The following PRKG1 variants were observed in gnomAD, a reference collection of about 807,000 sequenced individuals.
The protein encoded by PRKG1 is protein kinase cGMP-dependent 1.
In PRKG1, 35 loss-of-function variants were observed where a neutral mutation model predicts 88.1. The ratio of observed to expected loss-of-function variants is 0.40; its 90% CI spans 0.30 to 0.53. The LOEUF is 0.53. PRKG1 is among the 20% of genes least tolerant of loss of function. The pLI, the probability that PRKG1 is intolerant of heterozygous loss-of-function variation, is 0.59. For missense variants in PRKG1, 540 were observed against 839.8 expected, an observed-to-expected ratio of 0.64 and a Z score of 4.41; for synonymous variants, 303 against 292.5, an observed-to-expected ratio of 1.04 and a Z score of -0.37.
intron 3 of PRKG1, among the ~76,000 whole-genome samples, chr10:51,732,329 C>T (rs988317012): frequency 5.3e-5 from 8 of 152,146 alleles, no homozygotes; most frequent in African/African-American, 1.4e-4. Context: ...TCTCCACATA[C>T]AGTCACAGTG....
intron 2 of PRKG1, among the ~76,000 whole-genome samples, chr10:51,354,304 A>G (rs539417410): frequency 6.6e-6 from 1 of 152,178 alleles, no homozygotes; most frequent in South Asian, 2.1e-4. Flanking sequence ...TAACTAAAAG[A>G]GTATAATTGG....
In PRKG1 at chr10:51,695,111, G is replaced by A. The variant is rs529818610; in HGVS notation, c.593-109474G>A. Among the ~76,000 whole-genome samples the A allele has an allele frequency of 2.6e-5, 4 of 152,288 alleles. No individual in the cohort carries two copies. In the East Asian group the frequency reaches 7.7e-4, roughly 29 times the overall value. On this transcript the variant is annotated intron_variant, in intron 3 of 17. Transcript: ENST00000373980. Reference sequence around the variant, plus strand: ...TTCCCATCTGTGAATATGGGAATGAGATAGGCTGTCCCTGTGTTCAGTTTG... The same window carrying A: ...TTCCCATCTGTGAATATGGGAATGAAATAGGCTGTCCCTGTGTTCAGTTTG...
At chr10:51,056,422 A>T (rs1343209323) in intron 1 of PRKG1, among the ~76,000 whole-genome samples, 1 of 152,216 alleles carries the variant, frequency 6.6e-6, no homozygotes, top group Non-Finnish European at 1.5e-5. Context: ...CAAAATGACT[A>T]CTTGGGAATG....
intron 7 of PRKG1, among the ~76,000 whole-genome samples, chr10:52,073,931 C>G (rs151211458): frequency 6.6e-6 from 1 of 152,306 alleles, no homozygotes; most frequent in South Asian, 2.1e-4. Flanking sequence ...TAGACTACTT[C>G]CACAATAATC....
intron 7 of PRKG1, among the ~76,000 whole-genome samples, chr10:52,086,783 A>G (rs1846926261): frequency 6.6e-6 from 1 of 152,158 alleles, no homozygotes; most frequent in Admixed American, 6.6e-5. Flanking sequence ...CTGCAAATAA[A>G]TACATACCCT....
chr10:51,192,283 T>C (rs1280621003), intron 2 of PRKG1, among the ~76,000 whole-genome samples: 2 of 151,912 alleles, frequency 1.3e-5, no homozygotes, highest in Non-Finnish European at 2.9e-5. Context: ...TAATATTTAA[T>C]GAAACAGGGA....
chr10:51,464,100 T>G (rs1186978448), intron 2 of PRKG1, among the ~76,000 whole-genome samples: 1 of 150,604 alleles, frequency 6.6e-6, no homozygotes, highest in East Asian at 2.0e-4. Context: ...TGAAAACCCA[T>G]CTCTACTAAA....
chr10:52,107,394 C>A (rs1371339111), intron 7 of PRKG1, among the ~76,000 whole-genome samples: 1 of 152,056 alleles, frequency 6.6e-6, no homozygotes, highest in African/African-American at 2.4e-5. Context: ...ATAATAAAAT[C>A]TAAATTATTA....
chr10:51,995,427 A>T (rs1029082911), intron 5 of PRKG1, among the ~76,000 whole-genome samples: 1 of 152,226 alleles, frequency 6.6e-6, no homozygotes, highest in Non-Finnish European at 1.5e-5. Context: ...CATTGTCTAA[A>T]ACTTTCTCAG....
At chr10:51,167,919 A>C (rs1290158682) in intron 2 of PRKG1, among the ~76,000 whole-genome samples, 3 of 152,142 alleles carry the variant, frequency 2.0e-5, no homozygotes, top group Non-Finnish European at 4.4e-5. Flanking sequence ...CTGCTGACTA[A>C]ACCAGGCATA....
rs543677392 is a variant in PRKG1 at position 52,094,508 on chromosome 10, T to C, written c.935+31877T>C. 3.9e-5 allele frequency among the ~76,000 whole-genome samples: 6 copies of C among 152,290 alleles called. No individual in the cohort carries two copies. The East Asian group carries it at 1.2e-3, about 29-fold the overall frequency. On this transcript the variant is annotated intron_variant, in intron 7 of 17. Transcript: ENST00000373980. ...TCACCACCGTTCATATATTTAAACA[T>C]TAAAACCAAAGAATTCTCCCTCATG...
intron 2 of PRKG1, among the ~76,000 whole-genome samples, chr10:51,344,471 T>G (rs1588864010): frequency 6.6e-6 from 1 of 152,254 alleles, no homozygotes; most frequent in East Asian, 1.9e-4. Flanking sequence ...TCAGACACAC[T>G]CAGGGCTTAA....
intron 1 of PRKG1, among the ~76,000 whole-genome samples, chr10:51,011,973 T>C (rs1331564814): frequency 2.0e-5 from 3 of 152,166 alleles, no homozygotes; most frequent in African/African-American, 2.4e-5. Flanking sequence ...AGAAGAGAAC[T>C]TGTGCAGGGG....
At chr10:51,464,993 G>A (rs1839860563) in intron 2 of PRKG1, among the ~76,000 whole-genome samples, 1 of 152,000 alleles carries the variant, frequency 6.6e-6, no homozygotes. Context: ...AATTCTGGCT[G>A]TAATGCCATA....
intron 4 of PRKG1, among the ~76,000 whole-genome samples, chr10:51,892,732 C>G (rs1003634483): frequency 2.0e-5 from 3 of 152,176 alleles, no homozygotes; most frequent in African/African-American, 7.2e-5. Context: ...AAACGTTCTG[C>G]AGTACATAGG....
chr10:51,160,146 A>G (rs1232787501), intron 2 of PRKG1, among the ~76,000 whole-genome samples: 1 of 152,228 alleles, frequency 6.6e-6, no homozygotes, highest in African/African-American at 2.4e-5. Flanking sequence ...AAGTTAGCTT[A>G]TAAGAGCCTA....
intron 3 of PRKG1, among the ~76,000 whole-genome samples, chr10:51,791,944 G>A (rs1271223295): frequency 6.6e-6 from 1 of 152,130 alleles, no homozygotes; most frequent in Admixed American, 6.6e-5. Flanking sequence ...GGGATTATGG[G>A]AGATGAAGCT....
intron 3 of PRKG1, among the ~76,000 whole-genome samples, chr10:51,592,928 G>A (rs780710473): frequency 6.6e-5 from 10 of 152,132 alleles, no homozygotes; most frequent in Admixed American, 3.9e-4. Context: ...AAGGGGAGCA[G>A]TTCTTTTTGT....
intron 3 of PRKG1, among the ~76,000 whole-genome samples, chr10:51,674,879 T>C (rs1409165566): frequency 6.6e-6 from 1 of 152,172 alleles, no homozygotes; most frequent in African/African-American, 2.4e-5. Context: ...CTTGAATGCA[T>C]AAATATTAAT....
Sources: allele counts gnomAD v4.1 joint callset (sites outside exome capture counted in the v4.1 genomes callset), GRCh38; gene constraint gnomAD v4.1.1; transcripts MANE v1.5; gene names NCBI Gene and HGNC (gene_info 2026-07-23, HGNC 2026-07-21).